Variants in SLC44A3 observed in about 807,000 individuals in gnomAD.
The protein encoded by SLC44A3 is solute carrier family 44 member 3.
In SLC44A3, 74 loss-of-function variants were observed where a neutral mutation model predicts 75.4. That is an observed-to-expected ratio of 0.98 (90% CI 0.81 to 1.19). The LOEUF is 1.19. Ranked by LOEUF, SLC44A3 falls within the 50% of genes most tolerant of loss-of-function variation. The probability of loss-of-function intolerance (pLI) is 0.00; values close to 1 mark genes in which losing one functional copy is unlikely to be tolerated. For synonymous variants in SLC44A3, 310 were observed against 296.9 expected, an observed-to-expected ratio of 1.04 and a Z score of -0.45; for missense variants, 700 against 778.6, an observed-to-expected ratio of 0.90 and a Z score of 1.20.
chr1:94,835,526 C>T (rs561767980), intron 5 of SLC44A3, among the ~76,000 whole-genome samples: 13 of 152,178 alleles, frequency 8.5e-5, no homozygotes, highest in Non-Finnish European at 1.6e-4. Context: ...CCTCCACCAT[C>T]GTTACAATTT....
chr1:94,887,991 GATA>G (rs1167735921), intron 12 of SLC44A3, among the ~76,000 whole-genome samples: 1 of 152,174 alleles, frequency 6.6e-6, no homozygotes, highest in African/African-American at 2.4e-5. Context: ...ATGTCTGGAT[GATA>G]ATAACCACTC....
At chr1:94,886,133 G>A (rs563081184) in intron 12 of SLC44A3, among the ~76,000 whole-genome samples, 5 of 152,278 alleles carry the variant, frequency 3.3e-5, no homozygotes, top group East Asian at 1.9e-4. Context: ...TGGCTGCATG[G>A]CCACCACAGC....
chr1:94,840,962 A>C (rs1157562128), intron 7 of SLC44A3, among the ~76,000 whole-genome samples: 1 of 152,228 alleles, frequency 6.6e-6, no homozygotes, highest in Admixed American at 6.5e-5. Context: ...GGGTACAATC[A>C]GGTGTCACTT....
rs534185466 is a variant in SLC44A3, at chr1:94,822,663, TA to T, written c.135+1610del. On this transcript the variant is annotated intron_variant, in intron 2 of 14. Coordinates refer to ENST00000271227, the MANE Select transcript of SLC44A3 (RefSeq NM_001114106.3). Reference sequence around the variant, plus strand: ...CACCAGCCTGTGTTTATATTTGCATTAAACATAAGGAACAAAGTCTCAAAGT... The same window carrying T: ...CACCAGCCTGTGTTTATATTTGCATTAACATAAGGAACAAAGTCTCAAAGT... Among the ~76,000 whole-genome samples the T allele has an allele frequency of 4.0e-3, 605 of 152,306 alleles. 4 individuals are homozygous for T. The highest frequency in any genetic ancestry group is 0.02 in the Middle Eastern group (6 of 294).
intron 8 of SLC44A3, 89 bp downstream of exon 8, chr1:94,842,213 T>C: frequency 6.8e-7 from 1 of 1,471,040 alleles, no homozygotes; most frequent in East Asian, 2.5e-5. Context: ...ACAACTATAA[T>C]TTGTTTTTCT....
At chr1:94,843,243 AT>A in intron 8 of SLC44A3, 1 of 152,676 alleles carries the variant, frequency 6.5e-6, no homozygotes, top group African/African-American at 2.4e-5. Context: ...AGGGGAGGCC[AT>A]GTGAGCAGGG....
At chr1:94,878,523 G>T (rs879465631) in intron 12 of SLC44A3, among the ~76,000 whole-genome samples, 1 of 152,204 alleles carries the variant, frequency 6.6e-6, no homozygotes, top group Non-Finnish European at 1.5e-5. Context: ...CAAAGGAGCT[G>T]CCCTTTCTTG....
intron 12 of SLC44A3, among the ~76,000 whole-genome samples, chr1:94,882,006 C>G (rs560486287): frequency 6.6e-6 from 1 of 151,356 alleles, no homozygotes; most frequent in African/African-American, 2.4e-5. Context: ...GGTGAGAGAG[C>G]GAGACTCCAT....
intron 9 of SLC44A3, among the ~76,000 whole-genome samples, chr1:94,846,772 C>T (rs915359378): frequency 2.0e-5 from 3 of 152,206 alleles, no homozygotes; most frequent in African/African-American, 4.8e-5. Flanking sequence ...TGATAAGGAC[C>T]ACAGCTGATG....
rs565194334 is a variant in SLC44A3 at position 94,884,690 on chromosome 1, C to T, written c.1483-6440C>T. ...TACCTTTTTGAAGAGTCGGCAGAAA[C>T]CCAGGTTCACAGTTCTGCCACCAAA... On this transcript the variant is annotated intron_variant, in intron 12 of 14. Coordinates refer to ENST00000271227, the MANE Select transcript of SLC44A3 (RefSeq NM_001114106.3). Among the ~76,000 whole-genome samples the T allele has an allele frequency of 8.5e-5, 13 of 152,152 alleles. No individual in the cohort carries two copies. In the South Asian group the frequency reaches 2.3e-3, roughly 27 times the overall value.
intron 12 of SLC44A3, among the ~76,000 whole-genome samples, chr1:94,870,628 G>A (rs1022777611): frequency 6.6e-6 from 1 of 152,196 alleles, no homozygotes; most frequent in African/African-American, 2.4e-5. Flanking sequence ...TTTGCCAGTT[G>A]TATGCTGAGC....
intron 2 of SLC44A3, 95 bp from the exon 3 acceptor site, chr1:94,824,398 C>T: frequency 7.0e-7 from 1 of 1,425,416 alleles, no homozygotes; most frequent in Non-Finnish European, 9.3e-7. Context: ...CTTCACGTTC[C>T]ACCAGGCTCC....
chr1:94,831,852 G>C (rs1229831393), intron 5 of SLC44A3, among the ~76,000 whole-genome samples: 2 of 152,186 alleles, frequency 1.3e-5, no homozygotes, highest in Non-Finnish European at 2.9e-5. Context: ...CAGAAGTGGT[G>C]AAGAAACCTC....
At chr1:94,841,584 G>C (rs1297010524) in intron 7 of SLC44A3, among the ~76,000 whole-genome samples, 1 of 152,104 alleles carries the variant, frequency 6.6e-6, no homozygotes, top group Non-Finnish European at 1.5e-5. Flanking sequence ...TGGTTTTGTG[G>C]GTGAGCAGCC....
intron 5 of SLC44A3, among the ~76,000 whole-genome samples, chr1:94,831,779 C>T (rs1662165899): frequency 1.3e-5 from 2 of 152,306 alleles, no homozygotes; most frequent in African/African-American, 2.4e-5. Flanking sequence ...TCTAAATATA[C>T]AGGCAGCTTA....
chr1:94,888,715 G>A (rs1669872480), intron 12 of SLC44A3: 3 of 975,342 alleles, frequency 3.1e-6, no homozygotes, highest in Non-Finnish European at 3.6e-6. Context: ...CCCTATCAGG[G>A]ATATGGTTTC....
intron 12 of SLC44A3, among the ~76,000 whole-genome samples, chr1:94,872,917 A>G (rs1490085862): frequency 1.3e-5 from 2 of 152,254 alleles, no homozygotes; most frequent in Admixed American, 6.5e-5. Context: ...GACTTATCCT[A>G]GAACCACAAA....
At chr1:94,877,588 A>G (rs987915673) in intron 12 of SLC44A3, among the ~76,000 whole-genome samples, 15 of 152,170 alleles carry the variant, frequency 9.9e-5, no homozygotes, top group African/African-American at 3.4e-4. Context: ...TCCCATCTCT[A>G]CAGACATTTG....
chr1:94,875,634 G>GAC (rs147488200), intron 12 of SLC44A3, among the ~76,000 whole-genome samples: 147,704 of 152,222 alleles, frequency 0.97, 71,773 homozygotes, highest in Middle Eastern at 1. Flanking sequence ...CAATATGGAG[G>GAC]AGGCCATGCT....
Sources: gnomAD v4.1 joint callset for allele counts (sites outside exome capture counted in the v4.1 genomes callset) on GRCh38, gnomAD v4.1.1 for gene constraint, MANE v1.5 for transcripts, NCBI Gene and HGNC (gene_info 2026-07-23, HGNC 2026-07-21) for gene names.